The following FAM178B variants were observed in gnomAD, a reference collection of about 807,000 sequenced individuals.
FAM178B encodes the protein protein FAM178B.
Under a neutral mutation model 91.7 loss-of-function variants are expected in FAM178B, and 82 were observed. That is an observed-to-expected ratio of 0.89 (90% CI 0.75 to 1.07). The LOEUF (loss-of-function observed/expected upper bound fraction) is 1.07. Among genes scored for constraint, FAM178B ranks in the 50% least tolerant of loss-of-function variants. FAM178B has a pLI of 0.00. For missense variants in FAM178B, 769 were observed against 846.7 expected, an observed-to-expected ratio of 0.91 and a Z score of 1.14; for synonymous variants, 368 against 359.4, an observed-to-expected ratio of 1.02 and a Z score of -0.27.
intron 10 of FAM178B, 103 bp downstream of exon 10, chr2:96,923,387 G>T: frequency 1.1e-6 from 1 of 892,850 alleles, no homozygotes; most frequent in Non-Finnish European, 1.8e-6. Context: ...CCATGGTGCT[G>T]AGCTCGCCGG....
At chr2:96,915,136 G>T (rs574524253) in intron 12 of FAM178B, among the ~76,000 whole-genome samples, 5 of 149,744 alleles carry the variant, frequency 3.3e-5, no homozygotes, top group Admixed American at 3.3e-4. Context: ...TTGAGACGAA[G>T]TCTCACTCTG....
At chr2:96,907,976 C>A (rs1388049552) in intron 12 of FAM178B, among the ~76,000 whole-genome samples, 1 of 152,274 alleles carries the variant, frequency 6.6e-6, no homozygotes, top group Non-Finnish European at 1.5e-5. Flanking sequence ...GGCAATGCTG[C>A]CTGACATGCT....
chr2:96,981,368 T>C (rs1458031047), intron 1 of FAM178B, among the ~76,000 whole-genome samples: 1 of 152,198 alleles, frequency 6.6e-6, no homozygotes, highest in Non-Finnish European at 1.5e-5. Flanking sequence ...TCATCATGCT[T>C]ATGAACCACA....
intron 4 of FAM178B, among the ~76,000 whole-genome samples, chr2:96,967,911 C>CTTTTTTTTGTTTTTTTTTTTTT (rs2082166031): frequency 3.2e-5 from 2 of 62,418 alleles, no homozygotes; most frequent in Non-Finnish European, 6.0e-5. Flanking sequence ...CCTGTTTGGT[C>CTTTTTTTTGTTTTTTTTTTTTT]TTTTTTTTTT....
chr2:96,956,640 T>C (rs2082003950), intron 6 of FAM178B: 1 of 152,202 alleles, frequency 6.6e-6, no homozygotes, highest in Non-Finnish European at 1.5e-5. Context: ...AAAAATGATA[T>C]ACGTTCACTG....
At chr2:96,895,004 G>A in intron 13 of FAM178B, 1 of 1,261,964 alleles carries the variant, frequency 7.9e-7, no homozygotes, top group South Asian at 1.2e-5. Flanking sequence ...TCTTCTCTGT[G>A]GAGGTTTGGA....
At chr2:96,959,581 C>A (rs2082051527) in intron 6 of FAM178B, among the ~76,000 whole-genome samples, 1 of 152,168 alleles carries the variant, frequency 6.6e-6, no homozygotes, top group Non-Finnish European at 1.5e-5. Context: ...GCAAGGACAG[C>A]CCCTTCTCCA....
intron 6 of FAM178B, 33 bp downstream of exon 6, chr2:96,960,255 C>A (rs757956783): frequency 6.5e-7 from 1 of 1,549,440 alleles, no homozygotes; most frequent in Non-Finnish European, 8.7e-7. Context: ...GGACAGGCTG[C>A]GCCACCCCCT....
At chr2:96,880,008 C>T (rs1559045745) in intron 14 of FAM178B, among the ~76,000 whole-genome samples, 1 of 152,228 alleles carries the variant, frequency 6.6e-6, no homozygotes. Flanking sequence ...GCCTGCGTGC[C>T]GGACACTATA....
intron 2 of FAM178B, 74 bp downstream of exon 2, chr2:96,972,464 A>G: frequency 1.3e-6 from 2 of 1,513,694 alleles, no homozygotes; most frequent in Non-Finnish European, 1.8e-6. Context: ...GAAATCCTTC[A>G]GCCATGGGCT....
chr2:96,985,825 C>T (rs1297355367), intron 1 of FAM178B, among the ~76,000 whole-genome samples: 1 of 152,214 alleles, frequency 6.6e-6, no homozygotes, highest in Non-Finnish European at 1.5e-5. Context: ...ATGCGTTCTA[C>T]CCACAAAGAA....
intron 4 of FAM178B, 124 bp from the exon 5 acceptor site, chr2:96,967,751 C>G: frequency 1.5e-6 from 1 of 656,882 alleles, no homozygotes. Context: ...CCTGGCTGGT[C>G]TCCTTGTGAA....
chr2:96,889,187 C>T (rs1185844359), intron 14 of FAM178B, among the ~76,000 whole-genome samples: 1 of 152,208 alleles, frequency 6.6e-6, no homozygotes, highest in Non-Finnish European at 1.5e-5. Context: ...CTCCTGGTGC[C>T]TGACTCTGCC....
chr2:96,897,714 A>G (rs911140288), intron 13 of FAM178B, among the ~76,000 whole-genome samples: 3 of 152,228 alleles, frequency 2.0e-5, no homozygotes, highest in African/African-American at 7.2e-5. Context: ...ATCTCTTGCC[A>G]GGATTACTGC....
At chr2:96,884,338 G>C (rs1266059797) in intron 14 of FAM178B, among the ~76,000 whole-genome samples, 1 of 152,210 alleles carries the variant, frequency 6.6e-6, no homozygotes, top group Non-Finnish European at 1.5e-5. Context: ...GGTCTCTAAA[G>C]AGGATTCACA....
intron 12 of FAM178B, among the ~76,000 whole-genome samples, chr2:96,918,713 C>A (rs1436062525): frequency 6.6e-6 from 1 of 152,142 alleles, no homozygotes; most frequent in Non-Finnish European, 1.5e-5. Flanking sequence ...TTATCTTATG[C>A]CCAATTTCTG....
intron 12 of FAM178B, among the ~76,000 whole-genome samples, chr2:96,908,227 G>A (rs1411873997): frequency 6.6e-6 from 1 of 152,184 alleles, no homozygotes; most frequent in East Asian, 1.9e-4. Context: ...AATAGACGGC[G>A]GGACACAGTC....
At chr2:96,902,876 T>A (rs1420567551) in intron 12 of FAM178B, among the ~76,000 whole-genome samples, 169 bp from the exon 13 acceptor site, 2 of 152,192 alleles carry the variant, frequency 1.3e-5, no homozygotes, top group South Asian at 2.1e-4. Flanking sequence ...CTAGGAGGAA[T>A]GAAACTCTCA....
intron 14 of FAM178B, among the ~76,000 whole-genome samples, chr2:96,886,465 C>T (rs955374342): frequency 1.3e-5 from 2 of 152,182 alleles, no homozygotes; most frequent in African/African-American, 4.8e-5. Flanking sequence ...CCTAGGGCTG[C>T]TGAGGGAAGG....
Sources: gnomAD v4.1 joint callset for allele counts (sites outside exome capture counted in the v4.1 genomes callset) on GRCh38, gnomAD v4.1.1 for gene constraint, MANE v1.5 for transcripts, NCBI Gene and HGNC (gene_info 2026-07-23, HGNC 2026-07-21) for gene names.